KCNMA1: variants seen among roughly 807,000 people sequenced by gnomAD.
KCNMA1 encodes the protein potassium calcium-activated channel subfamily M alpha 1.
KCNMA1 carries 29 observed loss-of-function variants against 140.0 expected under a neutral mutation model. The ratio of observed to expected loss-of-function variants is 0.21; its 90% confidence interval spans 0.15 to 0.28. The LOEUF is 0.28. KCNMA1 is among the 10% of genes least tolerant of loss of function. The pLI, the probability that KCNMA1 is intolerant of heterozygous loss-of-function variation, is 1.00. For synonymous variants in KCNMA1, 612 were observed against 611.9 expected (o/e 1.00, Z 0.00); for missense variants, 880 against 1,602.2 (o/e 0.55, Z 7.70).
intron 2 of KCNMA1, among the ~76,000 whole-genome samples, chr10:77,289,311 G>A (rs982633542): frequency 6.6e-6 from 1 of 152,218 alleles, no homozygotes; most frequent in African/African-American, 2.4e-5. Context: ...CTAAGTGTCT[G>A]AGAGGACCCC....
At chr10:77,006,189 A>G (rs2088530475) in intron 18 of KCNMA1, among the ~76,000 whole-genome samples, 1 of 152,214 alleles carries the variant, frequency 6.6e-6, no homozygotes, top group Non-Finnish European at 1.5e-5. Context: ...GAGGCAGGAA[A>G]AAGCAGTACT....
chr10:76,974,968 C>G (rs1435787674), intron 19 of KCNMA1, among the ~76,000 whole-genome samples: 1 of 152,168 alleles, frequency 6.6e-6, no homozygotes, highest in East Asian at 1.9e-4. Flanking sequence ...TCCGAGTCAT[C>G]AATCCTTGGT....
At chr10:76,983,784 C>T (rs1243226144) in intron 19 of KCNMA1, among the ~76,000 whole-genome samples, 1 of 151,208 alleles carries the variant, frequency 6.6e-6, no homozygotes, top group African/African-American at 2.4e-5. Flanking sequence ...ATAAGTGAGT[C>T]ATCCTGAGAC....
At chr10:76,998,868 T>C (rs1230096330) in intron 19 of KCNMA1, among the ~76,000 whole-genome samples, 1 of 152,170 alleles carries the variant, frequency 6.6e-6, no homozygotes, top group Non-Finnish European at 1.5e-5. Flanking sequence ...GGGGCTCAAA[T>C]TGGAATGGAT....
At chr10:77,313,961 A>G (rs991600888) in intron 2 of KCNMA1, 1 of 152,158 alleles carries the variant, frequency 6.6e-6, no homozygotes, top group Admixed American at 6.5e-5. Context: ...TTAGTGGACC[A>G]TGAGATCAGT....
chr10:77,637,105 CGA>C (rs1568022088), intron 1 of KCNMA1, 158 bp downstream of exon 1: 5 of 1,286,100 alleles, frequency 3.9e-6, no homozygotes, highest in South Asian at 1.6e-5. Flanking sequence ...TGCCCCGATC[CGA>C]GAGCACCGGG....
chr10:77,613,852 C>T (rs1242199497), intron 1 of KCNMA1, among the ~76,000 whole-genome samples: 1 of 152,192 alleles, frequency 6.6e-6, no homozygotes, highest in Non-Finnish European at 1.5e-5. Context: ...ATGAATTTGT[C>T]ATTTTATCAA....
chr10:76,960,004 G>T (rs1468234105), intron 20 of KCNMA1, among the ~76,000 whole-genome samples: 1 of 152,192 alleles, frequency 6.6e-6, no homozygotes, highest in African/African-American at 2.4e-5. Context: ...GGCCAGTGCT[G>T]CAGGGTGCCC....
intron 1 of KCNMA1, among the ~76,000 whole-genome samples, chr10:77,521,642 T>C (rs1021237228): frequency 3.9e-5 from 6 of 152,220 alleles, no homozygotes; most frequent in South Asian, 2.1e-4. Context: ...CTAAGGCACA[T>C]AGAAGTTCCC....
chr10:77,354,828 A>C (rs943283955), intron 2 of KCNMA1, among the ~76,000 whole-genome samples: 3 of 152,232 alleles, frequency 2.0e-5, no homozygotes, highest in Admixed American at 6.5e-5. Context: ...CTGAGCATCA[A>C]AGATTATGTC....
chr10:77,297,324 G>A (rs951487319), intron 2 of KCNMA1, among the ~76,000 whole-genome samples: 1 of 152,176 alleles, frequency 6.6e-6, no homozygotes, highest in African/African-American at 2.4e-5. Context: ...ACAGGACATT[G>A]TTGCCAAACT....
chr10:77,369,712 A>C (rs2094560292), intron 2 of KCNMA1, among the ~76,000 whole-genome samples: 1 of 152,180 alleles, frequency 6.6e-6, no homozygotes, highest in South Asian at 2.1e-4. Context: ...CAACTCTAAA[A>C]ACCTGCTCTC....
chr10:77,233,298 C>T (rs988518305), intron 3 of KCNMA1, among the ~76,000 whole-genome samples: 9 of 152,080 alleles, frequency 5.9e-5, no homozygotes, highest in Admixed American at 5.9e-4. Flanking sequence ...TAGCCTAATG[C>T]CCAATACAAG....
intron 2 of KCNMA1, among the ~76,000 whole-genome samples, chr10:77,294,730 C>T (rs1423935861): frequency 2.0e-5 from 3 of 152,008 alleles, no homozygotes; most frequent in African/African-American, 4.8e-5. Context: ...GCCAGGCTTG[C>T]CAACATGGTG....
In KCNMA1 at chr10:77,412,631, G is replaced by A. The variant is rs2096644526; in HGVS notation, c.379-8608C>T. ...TTAAATCCACAGTTTTCTGTACCTT[G>A]AGGCCCAGCATTGTGAGGTGCCCCA... On this transcript the variant is annotated intron_variant, in intron 1 of 27. Coordinates refer to ENST00000286628, the MANE Select transcript of KCNMA1 (RefSeq NM_001161352.2). 2.6e-5 allele frequency among the ~76,000 whole-genome samples: 4 copies of A among 152,208 alleles called. No individual in the cohort carries two copies. The South Asian group carries it at 8.3e-4, about 32-fold the overall frequency.
chr10:77,627,633 A>G (rs2154570600), intron 1 of KCNMA1, among the ~76,000 whole-genome samples: 1 of 152,354 alleles, frequency 6.6e-6, no homozygotes. Context: ...GCGGACATGG[A>G]AACACCACCC....
At chr10:76,915,416 G>A (rs549312605) in intron 23 of KCNMA1, among the ~76,000 whole-genome samples, 76 of 152,230 alleles carry the variant, frequency 5.0e-4, no homozygotes, top group Admixed American at 1.5e-3. Flanking sequence ...CATGAAAAGT[G>A]AGCAGAGCAG....
intron 5 of KCNMA1, among the ~76,000 whole-genome samples, chr10:77,128,914 T>C (rs2097795816): frequency 1.3e-5 from 2 of 152,212 alleles, no homozygotes; most frequent in South Asian, 2.1e-4. Context: ...TAACAAGCTC[T>C]AAGCTATCGT....
At chr10:77,594,189 T>C (rs2080094114) in intron 1 of KCNMA1, among the ~76,000 whole-genome samples, 1 of 152,144 alleles carries the variant, frequency 6.6e-6, no homozygotes, top group Non-Finnish European at 1.5e-5. Flanking sequence ...AGGTGCCAGG[T>C]TTACAGCCGT....
Sources: allele counts gnomAD v4.1 joint callset (sites outside exome capture counted in the v4.1 genomes callset), GRCh38; gene constraint gnomAD v4.1.1; transcripts MANE v1.5; gene names NCBI Gene and HGNC (gene_info 2026-07-23, HGNC 2026-07-21).